ARHGAP18: variants seen among roughly 807,000 people sequenced by gnomAD.
ARHGAP18 encodes the protein Rho GTPase activating protein 18.
A neutral mutation model predicts 86.2 loss-of-function variants in ARHGAP18; 67 were observed. The observed-to-expected ratio is 0.78, with a 90% confidence interval of 0.64 to 0.95. ARHGAP18 has a LOEUF of 0.95. Among genes scored for constraint, ARHGAP18 ranks in the 40% least tolerant of loss-of-function variants. The probability of loss-of-function intolerance (pLI) is 0.00; values close to 1 mark genes in which losing one functional copy is unlikely to be tolerated. For synonymous variants in ARHGAP18, 283 were observed against 280.4 expected, an observed-to-expected ratio of 1.01 and a Z score of -0.09; for missense variants, 691 against 780.4, an observed-to-expected ratio of 0.89 and a Z score of 1.37.
At chr6:129,680,973 C>T (rs1308934408) in intron 1 of ARHGAP18, among the ~76,000 whole-genome samples, 1 of 152,188 alleles carries the variant, frequency 6.6e-6, no homozygotes, top group African/African-American at 2.4e-5. Flanking sequence ...TGTAACACAG[C>T]CCACCATAAT....
chr6:129,626,389 T>C (rs1260260026), intron 5 of ARHGAP18, among the ~76,000 whole-genome samples: 1 of 151,852 alleles, frequency 6.6e-6, no homozygotes, highest in East Asian at 1.9e-4. Context: ...AGAGGAGGGA[T>C]TGAATAGGTT....
chr6:129,653,341 C>G (rs1773756030), intron 1 of ARHGAP18, among the ~76,000 whole-genome samples: 1 of 152,054 alleles, frequency 6.6e-6, no homozygotes, highest in Admixed American at 6.6e-5. Context: ...GTGGTAAATA[C>G]CTAGATAGGA....
At chr6:129,597,428 G>A (rs778226288) in intron 12 of ARHGAP18, among the ~76,000 whole-genome samples, 14 of 152,136 alleles carry the variant, frequency 9.2e-5, no homozygotes, top group Non-Finnish European at 8.8e-5. Context: ...AGCTTCCACT[G>A]CAGGTTAGAT....
At position 129,675,634 on chromosome 6, in the gene ARHGAP18, CCTG is replaced by C. The variant is rs141699576; in HGVS notation, c.114-33619_114-33617del. On this transcript the variant is annotated intron_variant, in intron 1 of 14. Transcript: ENST00000368149. ...TTGCAGCACAGCCACCTGCCTTTTC[CCTG>C]CTTAGTATAAATGGACCTAAGAGCA... Among the ~76,000 whole-genome samples, 232 of 152,238 alleles carry C rather than the reference CCTG, an allele frequency of 1.5e-3. 4 individuals carry two copies. The East Asian group carries it at 0.042, about 28-fold the overall frequency.
At chr6:129,648,904 AC>A (rs1337570017) in intron 1 of ARHGAP18, among the ~76,000 whole-genome samples, 3 of 152,240 alleles carry the variant, frequency 2.0e-5, no homozygotes, top group African/African-American at 7.2e-5. Context: ...GCTGCAGCCT[AC>A]AAATGACCCA....
chr6:129,597,146 G>A, intron 12 of ARHGAP18, among the ~76,000 whole-genome samples: 1 of 150,492 alleles, frequency 6.6e-6, no homozygotes. Flanking sequence ...CTATTGATTA[G>A]AATTTTTTTT....
chr6:129,629,992 C>T (rs1489038514), intron 4 of ARHGAP18, among the ~76,000 whole-genome samples: 1 of 152,062 alleles, frequency 6.6e-6, no homozygotes, highest in African/African-American at 2.4e-5. Flanking sequence ...TCTTCCACAC[C>T]CTGCATTTAC....
intron 1 of ARHGAP18, among the ~76,000 whole-genome samples, chr6:129,685,997 C>CG (rs1291276431): frequency 1.3e-5 from 2 of 152,088 alleles, no homozygotes; most frequent in Non-Finnish European, 2.9e-5. Flanking sequence ...CTTACATTGC[C>CG]GGGGGCGGGC....
chr6:129,690,788 A>G (rs1217667164), intron 1 of ARHGAP18, among the ~76,000 whole-genome samples: 1 of 152,208 alleles, frequency 6.6e-6, no homozygotes, highest in Non-Finnish European at 1.5e-5. Flanking sequence ...AGACCAAATA[A>G]ATTTTATATG....
chr6:129,657,380 A>C (rs1165993969), intron 1 of ARHGAP18, among the ~76,000 whole-genome samples: 1 of 151,086 alleles, frequency 6.6e-6, no homozygotes, highest in East Asian at 2.0e-4. Context: ...TGTTTTCTTA[A>C]TTGGAGTGAG....
At chr6:129,645,013 A>ATT (rs200646358) in intron 1 of ARHGAP18, among the ~76,000 whole-genome samples, 4 of 151,188 alleles carry the variant, frequency 2.6e-5, no homozygotes, top group African/African-American at 7.3e-5. Flanking sequence ...TTTTGTCTGT[A>ATT]TTTTTTTTTG....
At chr6:129,625,955 T>TTATATATTA (rs1562698723) in intron 5 of ARHGAP18, among the ~76,000 whole-genome samples, 77 of 63,048 alleles carry the variant, frequency 1.2e-3, no homozygotes, top group African/African-American at 3.3e-3. Context: ...TATTTATATA[T>TTATATATTA]TATATATTTA....
intron 1 of ARHGAP18, among the ~76,000 whole-genome samples, chr6:129,659,059 T>A (rs1398652007): frequency 6.6e-6 from 1 of 152,240 alleles, no homozygotes; most frequent in Admixed American, 6.5e-5. Flanking sequence ...CCAAATATCA[T>A]CACTGCAACA....
At chr6:129,700,257 A>G (rs1347787377) in intron 1 of ARHGAP18, among the ~76,000 whole-genome samples, 4 of 152,150 alleles carry the variant, frequency 2.6e-5, no homozygotes, top group Non-Finnish European at 5.9e-5. Flanking sequence ...AGATAACCTA[A>G]AGTCAATTTG....
chr6:129,640,217 T>C (rs1773426447), intron 2 of ARHGAP18, among the ~76,000 whole-genome samples: 1 of 152,114 alleles, frequency 6.6e-6, no homozygotes, highest in Admixed American at 6.5e-5. Flanking sequence ...CATTAAAAAG[T>C]AGAAGTAAAA....
chr6:129,658,955 AG>A (rs2114517000), intron 1 of ARHGAP18, among the ~76,000 whole-genome samples: 3 of 152,360 alleles, frequency 2.0e-5, no homozygotes, highest in African/African-American at 7.2e-5. Context: ...ATAAAAGGTG[AG>A]GACGAAAGTT....
intron 1 of ARHGAP18, among the ~76,000 whole-genome samples, chr6:129,703,507 G>A (rs1247411311): frequency 1.3e-5 from 2 of 152,206 alleles, no homozygotes; most frequent in Non-Finnish European, 2.9e-5. Context: ...GGAAGGTGTG[G>A]GTGGGGATGG....
intron 1 of ARHGAP18, among the ~76,000 whole-genome samples, chr6:129,642,693 G>A (rs1340456419): frequency 6.6e-6 from 1 of 152,122 alleles, no homozygotes; most frequent in Non-Finnish European, 1.5e-5. Flanking sequence ...TATAATTCTT[G>A]TGTTTATCAT....
chr6:129,583,391 T>C (rs770786000), intron 13 of ARHGAP18, among the ~76,000 whole-genome samples: 4 of 152,170 alleles, frequency 2.6e-5, no homozygotes, highest in Non-Finnish European at 5.9e-5. Flanking sequence ...GTGAGAGGGA[T>C]GCTAGCAGCT....
Sources: gnomAD v4.1 joint callset for allele counts (sites outside exome capture counted in the v4.1 genomes callset) on GRCh38, gnomAD v4.1.1 for gene constraint, MANE v1.5 for transcripts, NCBI Gene and HGNC (gene_info 2026-07-23, HGNC 2026-07-21) for gene names.